Variants in SF3B3 observed in about 807,000 individuals in gnomAD.
SF3B3 encodes splicing factor 3b subunit 3.
In SF3B3, 33 loss-of-function variants were observed where a neutral mutation model predicts 139.2. The ratio of observed to expected loss-of-function variants is 0.24; its 90% CI spans 0.18 to 0.32. The LOEUF is 0.32. Among genes scored for constraint, SF3B3 ranks in the 10% least tolerant of loss-of-function variants. The pLI is 1.00. For missense variants in SF3B3, 818 were observed against 1,509.4 expected, an observed-to-expected ratio of 0.54 and a Z score of 7.59; for synonymous variants, 596 against 563.6, an observed-to-expected ratio of 1.06 and a Z score of -0.81.
Position 70,524,252 on chromosome 16 carries a change from C to T in SF3B3, c.-71+324C>T, listed in dbSNP as rs553710136. ...CCCTCTGGGTAGAGTAAATGGTACA[C>T]CGAGGGGAAGATAGAAAGATGGAGC... is the stretch of plus-strand genomic sequence containing the variant. On this transcript the variant is annotated intron_variant, in intron 1 of 25. Transcript: ENST00000302516. Among the ~76,000 whole-genome samples the T allele has an allele frequency of 3.3e-5, 5 of 152,108 alleles. No individual in the cohort carries two copies. In the East Asian group the frequency reaches 9.7e-4, roughly 29 times the overall value.
Position 70,571,801 on chromosome 16 carries a change from C to T in SF3B3, c.3642C>T (p.Arg1214=), listed in dbSNP as rs1333072312. 2 of 1,613,282 alleles carry T rather than the reference C, an allele frequency of 1.2e-6. No homozygotes were observed. The highest frequency in any genetic ancestry group is 1.7e-6 in the Non-Finnish European group (2 of 1,179,802). ...AGAAACTCGAGGATATCCGGACCCG[C>T]TACGCCTTCTGAGCCCTCCTTTCCC... ...VSKKLEDIRT[R]YAF Residue 1214 remains arginine, a synonymous_variant, in exon 26 of 26, where the codon CGC becomes CGT. Transcript: ENST00000302516.
intron 23 of SF3B3, among the ~76,000 whole-genome samples, chr16:70,569,655 G>A (rs2050509734): frequency 6.6e-6 from 1 of 152,142 alleles, no homozygotes; most frequent in Admixed American, 6.5e-5. Context: ...TTTGAGACAA[G>A]GTCTCACTCA....
chr16:70,561,386 A>G (rs904543124), intron 16 of SF3B3: 11 of 385,526 alleles, frequency 2.9e-5, no homozygotes, highest in African/African-American at 1.0e-4. Context: ...CACACGTGGA[A>G]GCAGGCTTAG....
intron 4 of SF3B3, 130 bp downstream of exon 4, chr16:70,531,047 A>G: frequency 2.7e-6 from 2 of 751,872 alleles, no homozygotes; most frequent in Non-Finnish European, 4.4e-6. Flanking sequence ...CTGGCGGATC[A>G]TGAGGTCAGG....
chr16:70,573,378 C>T lies in SF3B3; in HGVS notation c.*1565C>T, dbSNP rs531779442. ...CAGCGTAGATACTTGAGCAGCTCCT[C>T]GCCTCTTTTCTAACTCAAGTTTGAC... On this transcript the variant is annotated 3_prime_UTR_variant, in exon 26 of 26. Coordinates refer to ENST00000302516, the MANE Select transcript of SF3B3 (RefSeq NM_012426.5). 25 of 152,280 alleles carry T rather than the reference C, an allele frequency of 1.6e-4. No homozygotes were observed. The highest frequency in any genetic ancestry group is 5.9e-4 in the Admixed American group (9 of 15,288). The allele number at this position is 152,280 out of a possible 1,614,324, so 9.4% of individuals were successfully genotyped here. A position where few individuals can be genotyped will look rare whatever the true frequency, so the allele number is the denominator to read the frequency against.
Position 70,539,152 on chromosome 16 carries a change from G to T in SF3B3, c.1012G>T (p.Ala338Ser), listed in dbSNP as rs779932370. The change falls in exon 8 of 26, where the codon GCC becomes TCC. Residue 338 changes from alanine (A) to serine (S), a missense_variant. Physicochemically the swap from Ala to Ser is moderately conservative, Grantham distance 99. Around this residue, in one of 14 missense-constraint regions of SF3B3, gnomAD observed 80 missense variants for 206.5 expected, o/e 0.39. Coordinates refer to ENST00000302516, the MANE Select transcript of SF3B3 (RefSeq NM_012426.5). The stretch of plus-strand genomic sequence containing the variant: ...TTTTGATACTGTACCCGTTGCTGCT[G>T]CCATGTGTGTGCTTAAAACAGGGTT... ...KYFDTVPVAA[A>S]MCVLKTGFLF... 1.2e-6 allele frequency: 2 copies of T among 1,614,072 alleles called. No homozygotes were observed. The highest frequency in any genetic ancestry group is 1.7e-6 in the Non-Finnish European group (2 of 1,180,008).
chr16:70,547,113 G>A (rs1189936944), intron 10 of SF3B3, among the ~76,000 whole-genome samples: 1 of 152,096 alleles, frequency 6.6e-6, no homozygotes, highest in Non-Finnish European at 1.5e-5. Flanking sequence ...TAACTAGATT[G>A]TGGTCTCAAT....
At position 70,565,256 on chromosome 16, in the gene SF3B3, T is replaced by C. The variant is rs1372640923; in HGVS notation, c.2655T>C (p.Asn885=). 1.2e-6 allele frequency: 2 copies of C among 1,614,208 alleles called. No homozygotes were observed. The highest frequency in any genetic ancestry group is 2.2e-5 in the South Asian group (2 of 91,084). ...TGGACCTTGTCCAGCTGGAACAGAA[T>C]GAGGCAGCTTTTAGGTAAGCAGCCC... The part of the protein sequence containing the change: ...NTLDLVQLEQ[N]EAAFSVAVCR... Residue 885 remains asparagine (N), a synonymous_variant, in exon 19 of 26, where the codon AAT becomes AAC. Coordinates refer to ENST00000302516, the MANE Select transcript of SF3B3 (RefSeq NM_012426.5).
chr16:70,532,290 CAA>C (rs756782974), intron 4 of SF3B3, among the ~76,000 whole-genome samples, 187 bp from the exon 5 acceptor site: 3 of 91,250 alleles, frequency 3.3e-5, no homozygotes, highest in Non-Finnish European at 6.3e-5. Context: ...AACTCCGTCT[CAA>C]AAAAAAAAAA....
At chr16:70,544,816 A>G (rs533743168) in intron 10 of SF3B3, among the ~76,000 whole-genome samples, 2 of 151,240 alleles carry the variant, frequency 1.3e-5, no homozygotes, top group East Asian at 4.0e-4. Flanking sequence ...TCAGCCTCCC[A>G]AAGTGTTGCT....
At chr16:70,567,606 G>A in intron 21 of SF3B3, 70 bp downstream of exon 21, 1 of 1,520,192 alleles carries the variant, frequency 6.6e-7, no homozygotes, top group Non-Finnish European at 8.9e-7. Context: ...TGGGGTGGTG[G>A]GCATTGAGTT....
intron 5 of SF3B3, among the ~76,000 whole-genome samples, chr16:70,533,986 CGTG>C (rs2050144678): frequency 1.3e-5 from 2 of 152,154 alleles, no homozygotes; most frequent in African/African-American, 4.8e-5. Context: ...AAAAATTAGA[CGTG>C]GTGCCGCCTT....
In SF3B3 at chr16:70,572,030, A is replaced by G. The variant is rs192179927; in HGVS notation, c.*217A>G. The G allele has an allele frequency of 3.0e-5, 20 of 674,632 alleles. No individual in the cohort carries two copies. The African/African-American group carries it at 3.2e-4, about 11-fold the overall frequency. The allele number at this position is 674,632 out of a possible 1,614,324, so 41.8% of individuals were successfully genotyped here. A position where few individuals can be genotyped will look rare whatever the true frequency, so the allele number is the denominator to read the frequency against. On this transcript the variant is annotated 3_prime_UTR_variant, in exon 26 of 26. Transcript: ENST00000302516. ...TTTGCTACACTTCTCCCCACCTGGT[A>G]CATGATACATGACCCCAGGTTCCAG...
Position 70,542,210 on chromosome 16 carries a change from T to C in SF3B3, c.1233+376T>C, listed in dbSNP as rs575271082. On this transcript the variant is annotated intron_variant, in intron 9 of 25. Coordinates refer to ENST00000302516, the MANE Select transcript of SF3B3 (RefSeq NM_012426.5). ...TGTTTTCTCTGCATTTACAATCATGTATATGTTTATGTGTTATATCTTTTT... is the reference window on the plus strand; with the variant it reads ...TGTTTTCTCTGCATTTACAATCATGCATATGTTTATGTGTTATATCTTTTT... Among the ~76,000 whole-genome samples the C allele has an allele frequency of 7.9e-5, 10 of 126,350 alleles. No individual in the cohort carries two copies. The East Asian group carries it at 2.4e-3, about 30-fold the overall frequency. The allele number at this position is 126,350 out of a possible 152,430, so 82.9% of individuals were successfully genotyped here. A position where few individuals can be genotyped will look rare whatever the true frequency, so the allele number is the denominator to read the frequency against.
rs1249609231 is a variant in SF3B3 at position 70,573,226 on chromosome 16, A to T, written c.*1413A>T. The T allele has an allele frequency of 1.3e-5, 2 of 152,190 alleles. No homozygotes were observed. Among genetic ancestry groups the T allele is most frequent in the African/African-American group, 4.8e-5 (2 of 41,438 alleles). The allele number at this position is 152,190 out of a possible 1,614,324, so 9.4% of individuals were successfully genotyped here. ...TGTTTTTTTCTCACTTAGCTCATGA[A>T]TTTGCATAGTAGACAGTAGTTCTGA... On this transcript the variant is annotated 3_prime_UTR_variant, in exon 26 of 26. Coordinates refer to ENST00000302516, the MANE Select transcript of SF3B3 (RefSeq NM_012426.5).
At position 70,545,455 on chromosome 16, in the gene SF3B3, T is replaced by C. The variant is rs1404095278; in HGVS notation, c.1329+922T>C. ...AGTGAATCTTTTATTGCTGGACTTT[T>C]TAGGTAATGTGGACACTAAAAGTTA... On this transcript the variant is annotated intron_variant, in intron 10 of 25. Coordinates refer to ENST00000302516, the MANE Select transcript of SF3B3 (RefSeq NM_012426.5). 1.6e-4 allele frequency among the ~76,000 whole-genome samples: 24 copies of C among 152,226 alleles called. 2 individuals carry two copies. The highest frequency in any genetic ancestry group is 1.6e-3 in the Admixed American group (24 of 15,274).
At chr16:70,547,741 C>T (rs1173151262) in intron 10 of SF3B3, among the ~76,000 whole-genome samples, 4 of 152,292 alleles carry the variant, frequency 2.6e-5, no homozygotes, top group African/African-American at 7.2e-5. Context: ...TTACGGCACC[C>T]GCCATCATGC....
chr16:70,528,827 A>G (rs763298539), intron 2 of SF3B3, 46 bp from the exon 3 acceptor site: 4 of 1,437,406 alleles, frequency 2.8e-6, no homozygotes, highest in Non-Finnish European at 3.8e-6. Context: ...CATGGTGGCC[A>G]GGCTGGGTTC....
At chr16:70,564,617 C>A (rs2050458607) in intron 18 of SF3B3, among the ~76,000 whole-genome samples, 1 of 152,190 alleles carries the variant, frequency 6.6e-6, no homozygotes, top group Non-Finnish European at 1.5e-5. Flanking sequence ...AGACAGCTTT[C>A]ATGTTCTCCA....
Sources: allele counts gnomAD v4.1 joint callset (sites outside exome capture counted in the v4.1 genomes callset), GRCh38; gene constraint gnomAD v4.1.1; regional missense constraint gnomAD v4.1.1; transcripts MANE v1.5; gene names NCBI Gene and HGNC (gene_info 2026-07-23, HGNC 2026-07-21).